Variants in MT4 observed in about 807,000 individuals in gnomAD.
MT4 encodes metallothionein 4.
Under a neutral mutation model 9.5 loss-of-function variants are expected in MT4, and 11 were observed. The observed-to-expected ratio is 1.16, with a 90% confidence interval of 0.73 to 1.92. MT4 has a LOEUF of 1.92. MT4 is among the 30% of genes most tolerant of loss of function. The probability of loss-of-function intolerance (pLI) is 0.00; values close to 1 mark genes in which losing one functional copy is unlikely to be tolerated. For missense variants in MT4, 88 were observed against 78.7 expected, an observed-to-expected ratio of 1.12 and a Z score of -0.45; for synonymous variants, 29 against 24.6, an observed-to-expected ratio of 1.18 and a Z score of -0.53.
At chr16:56,567,619 T>C in intron 1 of MT4, 132 bp from the exon 2 acceptor site, 2 of 767,904 alleles carry the variant, frequency 2.6e-6, no homozygotes, top group South Asian at 3.1e-5. Flanking sequence ...AGCAGCCTTG[T>C]CACCCTCTTG....
chr16:56,565,179 C>G lies in MT4; in HGVS notation c.31+20C>G, dbSNP rs1233935995. The G allele has an allele frequency of 6.2e-7, 1 of 1,608,008 alleles. No homozygotes were observed. The highest frequency in any genetic ancestry group is 1.3e-5 in the African/African-American group (1 of 74,778). ...TGTCTGGTGAGTAAAGAAGCCCTCC[C>G]TGGGGTCTGGGAACCTTGGACCAGC... On this transcript the variant is annotated intron_variant, in intron 1 of 2. Coordinates refer to ENST00000219162, the MANE Select transcript of MT4 (RefSeq NM_032935.3).
intron 2 of MT4, among the ~76,000 whole-genome samples, chr16:56,568,123 A>G (rs1190251926): frequency 2.0e-5 from 3 of 151,098 alleles, no homozygotes; most frequent in Non-Finnish European, 4.4e-5. Context: ...ATTGCACTCC[A>G]GCCTTGGTGA....
intron 2 of MT4, 25 bp from the exon 3 acceptor site, chr16:56,568,816 T>A (rs1959586721): frequency 1.3e-6 from 2 of 1,534,970 alleles, no homozygotes; most frequent in South Asian, 2.5e-5. Context: ...CCACAGCGGA[T>A]CTGCGCATCT....
intron 1 of MT4, 70 bp from the exon 2 acceptor site, chr16:56,567,681 G>A (rs1169079524): frequency 2.6e-5 from 37 of 1,435,076 alleles, no homozygotes; most frequent in South Asian, 3.4e-5. Context: ...TCTGACAGTC[G>A]GCATCATGCC....
At chr16:56,568,223 GAAAGAAAGAAAGAAAGAAAGAAAGAA>G (rs1312589500) in intron 2 of MT4, among the ~76,000 whole-genome samples, 1,413 of 48,636 alleles carry the variant, frequency 0.029, 71 homozygotes, top group Admixed American at 0.039. Flanking sequence ...GAGAAAGAAA[GAAAGAAAGAAAGAAAGAAAGAAAGAA>G]AGAAAGAAAG....
rs2144260561 is a variant in MT4 at position 56,567,877 on chromosome 16, G to C, written c.97+61G>C. 6.4e-6 allele frequency: 9 copies of C among 1,413,528 alleles called. No homozygotes were observed. In the East Asian group the frequency reaches 1.9e-4, roughly 29 times the overall value. 87.6% of individuals were successfully genotyped at this position (1,413,528 alleles called of 1,614,324 possible). Reference sequence around the variant, plus strand: ...GTTAGAAAAGTCCAATCCAGGCCAGGTGCAGTGGCTCACGTCTGTAATCCC... The same window carrying C: ...GTTAGAAAAGTCCAATCCAGGCCAGCTGCAGTGGCTCACGTCTGTAATCCC... On this transcript the variant is annotated intron_variant, in intron 2 of 2. Coordinates refer to ENST00000219162, the MANE Select transcript of MT4 (RefSeq NM_032935.3).
chr16:56,566,798 GAAAGAAAGAAAGAAAGAAAGAAAA>G (rs1354238078), intron 1 of MT4, among the ~76,000 whole-genome samples: 23 of 46,244 alleles, frequency 5.0e-4, no homozygotes, highest in Middle Eastern at 0.011. Flanking sequence ...AAGAAAGAAA[GAAAGAAAGAAAGAAAGAAAGAAAA>G]GAAAGAAAGA....
chr16:56,568,172 G>A (rs540782878), intron 2 of MT4, among the ~76,000 whole-genome samples: 3 of 142,798 alleles, frequency 2.1e-5, no homozygotes, highest in Non-Finnish European at 3.1e-5. Flanking sequence ...AGGAAGGAAG[G>A]AAGAAAGGAA....
chr16:56,566,775 AAAG>A (rs1959532375), intron 1 of MT4, among the ~76,000 whole-genome samples: 2 of 23,026 alleles, frequency 8.7e-5, no homozygotes, highest in Admixed American at 1.8e-3. Flanking sequence ...GGAAGGAAAG[AAAG>A]AAAGAAAGAA....
At chr16:56,568,243 GAA>G (rs1491164404) in intron 2 of MT4, among the ~76,000 whole-genome samples, 1,099 of 31,486 alleles carry the variant, frequency 0.035, 51 homozygotes, top group East Asian at 0.093. Flanking sequence ...AAGAAAGAAA[GAA>G]AGAAAGAAAG....
Position 56,568,827 on chromosome 16 carries a change from C to T in MT4, c.98-14C>T. The stretch of plus-strand genomic sequence containing the variant: ...TGACCCACAGCGGATCTGCGCATCT[C>T]CTGACTCTTTCAGGCTGCTGTCCCT... On this transcript the variant is annotated splice_polypyrimidine_tract_variant and intron_variant, in intron 2 of 2. Coordinates refer to ENST00000219162, the MANE Select transcript of MT4 (RefSeq NM_032935.3). 4 of 1,575,880 alleles carry T rather than the reference C, an allele frequency of 2.5e-6. No individual in the cohort carries two copies. Among genetic ancestry groups the T allele is most frequent in the Non-Finnish European group, 3.4e-6 (4 of 1,159,926 alleles).
At chr16:56,567,856 G>A in intron 2 of MT4, 40 bp downstream of exon 2, 1 of 1,574,730 alleles carries the variant, frequency 6.4e-7, no homozygotes, top group East Asian at 2.3e-5. Context: ...CTGGGAGTTA[G>A]AAAAGTCCAA....
At chr16:56,567,715 T>A in intron 1 of MT4, 36 bp from the exon 2 acceptor site, 1 of 1,600,610 alleles carries the variant, frequency 6.2e-7, no homozygotes, top group Non-Finnish European at 8.6e-7. Context: ...TCCATCTCCA[T>A]CCTCACGTTT....
intron 1 of MT4, among the ~76,000 whole-genome samples, chr16:56,565,880 A>C (rs1421019681): frequency 3.9e-5 from 6 of 151,936 alleles, no homozygotes; most frequent in African/African-American, 1.4e-4. Flanking sequence ...CCTGGGCAAC[A>C]TAGCGAGACT....
intron 1 of MT4, among the ~76,000 whole-genome samples, chr16:56,565,513 C>G (rs541488625): frequency 5.3e-5 from 8 of 152,224 alleles, no homozygotes; most frequent in African/African-American, 1.9e-4. Context: ...CCCTCCCTGG[C>G]GCTTATTCTT....
chr16:56,566,251 T>G (rs2144257862), intron 1 of MT4, among the ~76,000 whole-genome samples: 1 of 151,822 alleles, frequency 6.6e-6, no homozygotes, highest in South Asian at 2.1e-4. Flanking sequence ...AAAAACAAGG[T>G]GCTGGCTCCC....
At chr16:56,567,205 G>A (rs36100025) in intron 1 of MT4, among the ~76,000 whole-genome samples, 27,617 of 150,794 alleles carry the variant, frequency 0.18, 3,726 homozygotes, top group African/African-American at 0.38. Context: ...TTTTTTTCTC[G>A]TAGAGATGGG....
At chr16:56,568,439 C>G (rs1452385708) in intron 2 of MT4, among the ~76,000 whole-genome samples, 1 of 151,966 alleles carries the variant, frequency 6.6e-6, no homozygotes, top group South Asian at 2.1e-4. Context: ...GAAATGAGAA[C>G]TATGTAGAGA....
intron 1 of MT4, among the ~76,000 whole-genome samples, chr16:56,565,553 T>A (rs1217132542): frequency 1.3e-5 from 2 of 152,194 alleles, no homozygotes; most frequent in Non-Finnish European, 2.9e-5. Flanking sequence ...ACCTGTAGAC[T>A]GAGGTTCCTT....
Sources: gnomAD v4.1 joint callset for allele counts (sites outside exome capture counted in the v4.1 genomes callset) on GRCh38, gnomAD v4.1.1 for gene constraint, MANE v1.5 for transcripts, NCBI Gene and HGNC (gene_info 2026-07-23, HGNC 2026-07-21) for gene names.